Variants in VPS13B observed in about 807,000 individuals in gnomAD.
VPS13B encodes the protein intermembrane lipid transfer protein VPS13B.
Under a neutral mutation model 426.4 loss-of-function variants are expected in VPS13B, and 285 were observed. That is an observed-to-expected ratio of 0.67 (90% CI 0.61 to 0.74). The LOEUF is 0.74. Among genes scored for constraint, VPS13B ranks in the 30% least tolerant of loss-of-function variants. The probability of loss-of-function intolerance (pLI) is 0.00; values close to 1 mark genes in which losing one functional copy is unlikely to be tolerated. For synonymous variants in VPS13B, 1,676 were observed against 1,676.4 expected (o/e 1.00, Z 0.01); for missense variants, 4,537 against 4,782.6 (o/e 0.95, Z 1.51).
rs150352893 is a variant in VPS13B at position 99,843,843 on chromosome 8, AAGTATAT to A, written c.9943-4930_9943-4924del. On this transcript the variant is annotated intron_variant, in intron 54 of 61. Coordinates refer to ENST00000357162, the MANE Select transcript of VPS13B (RefSeq NM_152564.5). Reference sequence around the variant, plus strand: ...ACAGTCTCTTTTACTCCAGGTTTGTAAGTATATAGGGCAGTGGTAATTTCTCAACTCA... The same window carrying A: ...ACAGTCTCTTTTACTCCAGGTTTGTAAGGGCAGTGGTAATTTCTCAACTCA... 6.1e-3 allele frequency among the ~76,000 whole-genome samples: 933 copies of A among 152,246 alleles called. 8 individuals are homozygous for A. Among genetic ancestry groups the A allele is most frequent in the African/African-American group, 0.021 (863 of 41,528 alleles).
chr8:99,623,176 A>T (rs1418110698), intron 33 of VPS13B, among the ~76,000 whole-genome samples: 5 of 151,982 alleles, frequency 3.3e-5, no homozygotes, highest in African/African-American at 2.4e-5. Context: ...CATCACACTG[A>T]CCTCCTTGCT....
intron 17 of VPS13B, among the ~76,000 whole-genome samples, chr8:99,264,266 G>A (rs892877217): frequency 6.6e-6 from 1 of 150,694 alleles, no homozygotes; most frequent in Non-Finnish European, 1.5e-5. Context: ...TAGGCCTACT[G>A]TAGAGATGTC....
chr8:99,665,004 A>C (rs373072484), intron 35 of VPS13B, among the ~76,000 whole-genome samples: 1 of 152,052 alleles, frequency 6.6e-6, no homozygotes, highest in Non-Finnish European at 1.5e-5. Flanking sequence ...TTTAATGATC[A>C]CCATTCTAAC....
intron 44 of VPS13B, among the ~76,000 whole-genome samples, chr8:99,814,706 G>A (rs767689441): frequency 6.6e-6 from 1 of 152,200 alleles, no homozygotes; most frequent in African/African-American, 2.4e-5. Context: ...GCCAAGGGAG[G>A]TGTCTACCTT....
At chr8:99,593,801 A>G (rs1055538685) in intron 33 of VPS13B, among the ~76,000 whole-genome samples, 2 of 152,196 alleles carry the variant, frequency 1.3e-5, no homozygotes, top group South Asian at 4.1e-4. Flanking sequence ...GCAAACTAAT[A>G]CAAGAATAGA....
At chr8:99,769,199 A>T (rs1478704060) in intron 40 of VPS13B, among the ~76,000 whole-genome samples, 1 of 152,202 alleles carries the variant, frequency 6.6e-6, no homozygotes. Context: ...CTAATATTTC[A>T]CAATTTATCT....
At chr8:99,410,673 C>A (rs1487331727) in intron 21 of VPS13B, among the ~76,000 whole-genome samples, 1 of 151,956 alleles carries the variant, frequency 6.6e-6, no homozygotes, top group East Asian at 1.9e-4. Flanking sequence ...ATCTACCCGT[C>A]ATCTACATTA....
intron 29 of VPS13B, 43 bp downstream of exon 29, chr8:99,511,555 C>T: frequency 1.3e-6 from 2 of 1,583,900 alleles, no homozygotes; most frequent in Non-Finnish European, 1.7e-6. Flanking sequence ...AAATAATTTT[C>T]TTCTAGAGAC....
chr8:99,207,041 A>C (rs1278100228), intron 17 of VPS13B, among the ~76,000 whole-genome samples: 3 of 152,146 alleles, frequency 2.0e-5, no homozygotes, highest in Non-Finnish European at 4.4e-5. Context: ...AAAGACATTA[A>C]TTTTTGTGAA....
rs2132994722 is a variant in VPS13B at position 99,274,192 on chromosome 8, T to C, written c.2516-6T>C. The stretch of plus-strand genomic sequence containing the variant: ...GGCTAGTACATTTGCAGTTTTCTTT[T>C]ATTAGGTGTGAAATCTAAGAATCCC... On this transcript the variant is annotated splice_region_variant and splice_polypyrimidine_tract_variant and intron_variant, in intron 17 of 61. Transcript: ENST00000357162. 1 of 1,614,130 alleles carries C rather than the reference T, an allele frequency of 6.2e-7. No individual in the cohort carries two copies. The highest frequency in any genetic ancestry group is 8.5e-7 in the Non-Finnish European group (1 of 1,180,008).
intron 27 of VPS13B, 128 bp downstream of exon 27, chr8:99,503,078 T>C: frequency 1.5e-6 from 1 of 670,448 alleles, no homozygotes; most frequent in Admixed American, 2.6e-5. Flanking sequence ...TCGGACATAT[T>C]GAGAGTTTGG....
At chr8:99,521,237 A>G (rs1423053204) in intron 30 of VPS13B, among the ~76,000 whole-genome samples, 2 of 152,214 alleles carry the variant, frequency 1.3e-5, no homozygotes, top group South Asian at 2.1e-4. Context: ...GTACTAAGTC[A>G]CCATAAAACT....
intron 15 of VPS13B, among the ~76,000 whole-genome samples, chr8:99,169,664 T>G (rs1179513993): frequency 6.6e-6 from 1 of 151,996 alleles, no homozygotes; most frequent in Non-Finnish European, 1.5e-5. Flanking sequence ...TAACATTAAT[T>G]TATAAAATTT....
intron 17 of VPS13B, chr8:99,234,154 A>G: frequency 1.3e-6 from 1 of 781,694 alleles, no homozygotes; most frequent in Admixed American, 1.7e-5. Flanking sequence ...GTAAAGGGGG[A>G]GCTCACCTCT....
intron 53 of VPS13B, 58 bp downstream of exon 53, chr8:99,835,382 T>G (rs1212967001): frequency 1.3e-6 from 2 of 1,569,930 alleles, no homozygotes; most frequent in Non-Finnish European, 1.7e-6. Context: ...TCTGGGATTT[T>G]TTGATTTAGT....
chr8:99,688,016 T>G lies in VPS13B; in HGVS notation c.6047-11509T>G, dbSNP rs189727404. Among the ~76,000 whole-genome samples the G allele has an allele frequency of 2.0e-5, 3 of 151,672 alleles. No homozygotes were observed. In the East Asian group the frequency reaches 5.8e-4, roughly 29 times the overall value. On this transcript the variant is annotated intron_variant, in intron 35 of 61. Coordinates refer to ENST00000357162, the MANE Select transcript of VPS13B (RefSeq NM_152564.5). ...ACTGGCAAAGAAAGGGTACATTAGA[T>G]AAAGGGAACAATATGAACAAGGCCT...
intron 23 of VPS13B, among the ~76,000 whole-genome samples, chr8:99,450,018 T>G (rs1436052689): frequency 6.6e-6 from 1 of 152,180 alleles, no homozygotes; most frequent in Admixed American, 6.5e-5. Flanking sequence ...TTGGCCAGGA[T>G]GATCTTGATT....
chr8:99,762,935 C>T (rs1053595553), intron 39 of VPS13B, among the ~76,000 whole-genome samples: 20 of 151,632 alleles, frequency 1.3e-4, no homozygotes, highest in Middle Eastern at 3.4e-3. Flanking sequence ...CCCAGGAGTT[C>T]GAAACTAGCC....
intron 14 of VPS13B, among the ~76,000 whole-genome samples, chr8:99,152,526 C>T (rs1237135516): frequency 6.6e-6 from 1 of 152,076 alleles, no homozygotes; most frequent in Non-Finnish European, 1.5e-5. Context: ...ATTATAAGTT[C>T]AATTATGTCC....
Sources: gnomAD v4.1 joint callset for allele counts (sites outside exome capture counted in the v4.1 genomes callset) on GRCh38, gnomAD v4.1.1 for gene constraint, MANE v1.5 for transcripts, NCBI Gene and HGNC (gene_info 2026-07-23, HGNC 2026-07-21) for gene names.